Variants in NAV3 observed in about 807,000 individuals in gnomAD.
The protein encoded by NAV3 is neuron navigator 3, also known as pore membrane and/or filament interacting like protein 1.
NAV3 carries 87 observed loss-of-function variants against 244.7 expected under a neutral mutation model. The ratio of observed to expected loss-of-function variants is 0.36; its 90% CI spans 0.30 to 0.42. The LOEUF (loss-of-function observed/expected upper bound fraction) is 0.42. NAV3 is among the 20% of genes least tolerant of loss of function. NAV3 has a pLI of 1.00. For synonymous variants in NAV3, 1,126 were observed against 1,042.2 expected, an observed-to-expected ratio of 1.08 and a Z score of -1.55; for missense variants, 2,663 against 2,893.3, an observed-to-expected ratio of 0.92 and a Z score of 1.83.
chr12:77,994,398 C>T (rs1246028583), intron 5 of NAV3, among the ~76,000 whole-genome samples: 2 of 152,218 alleles, frequency 1.3e-5, no homozygotes, highest in Admixed American at 1.3e-4. Flanking sequence ...TCATCTCATA[C>T]TCTTCTTTTA....
intron 8 of NAV3, among the ~76,000 whole-genome samples, chr12:78,014,174 GA>G (rs1263990267): frequency 6.6e-6 from 1 of 151,978 alleles, no homozygotes; most frequent in Non-Finnish European, 1.5e-5. Context: ...TGTCTCTTTA[GA>G]AGCCTCCAAC....
intron 1 of NAV3, among the ~76,000 whole-genome samples, chr12:77,832,623 T>A (rs146646641): frequency 1.3e-5 from 2 of 152,312 alleles, no homozygotes; most frequent in Admixed American, 1.3e-4. Context: ...ATCATGTCTT[T>A]GTGTTGCAAA....
At chr12:78,023,505 A>C (rs1566028620) in intron 9 of NAV3, among the ~76,000 whole-genome samples, 2 of 152,228 alleles carry the variant, frequency 1.3e-5, no homozygotes, top group Non-Finnish European at 2.9e-5. Context: ...TTTTCAGTCT[A>C]GGATTTTGAT....
chr12:78,175,462 ATTAATGCATAATGTGTTAGGCCTTTTTCT>A, intron 25 of NAV3, 35 bp downstream of exon 25: 1 of 1,598,970 alleles, frequency 6.3e-7, no homozygotes, highest in Non-Finnish European at 8.5e-7. Context: ...TCAGAAGCTT[ATTAATGCATAATGTGTTAGGCCTTTTTCT>A]TTGGGGCTTT....
At chr12:77,738,401 A>G (rs1459890483) in intron 2 of NAV3, among the ~76,000 whole-genome samples, 2 of 152,238 alleles carry the variant, frequency 1.3e-5, no homozygotes, top group Non-Finnish European at 2.9e-5. Context: ...TAAAGCACAC[A>G]GAACAATAGC....
At chr12:77,830,748 C>A (rs546678266), upstream of NAV3, among the ~76,000 whole-genome samples, 3 of 152,360 alleles carry the variant, frequency 2.0e-5, no homozygotes, top group East Asian at 5.8e-4. Context: ...ATCAGACAAA[C>A]AACTTTATTG....
chr12:77,697,904 T>A (rs760895305), intron 2 of NAV3, among the ~76,000 whole-genome samples: 1 of 152,030 alleles, frequency 6.6e-6, no homozygotes, highest in Non-Finnish European at 1.5e-5. Flanking sequence ...GAGTAGGAAT[T>A]TATAAGTTAA....
chr12:77,926,936 T>C (rs1376810174), intron 1 of NAV3, among the ~76,000 whole-genome samples: 1 of 152,242 alleles, frequency 6.6e-6, no homozygotes, highest in African/African-American at 2.4e-5. Context: ...TTAAACGGAA[T>C]TTATTCTCTT....
chr12:77,806,645 G>T (rs113371561), intron 2 of NAV3, among the ~76,000 whole-genome samples: 2 of 152,312 alleles, frequency 1.3e-5, no homozygotes, highest in African/African-American at 4.8e-5. Context: ...GTATTCTGTT[G>T]ATTTGGGGTG....
intron 1 of NAV3, among the ~76,000 whole-genome samples, chr12:77,931,998 T>A (rs1359380652): frequency 6.6e-6 from 1 of 152,066 alleles, no homozygotes; most frequent in Non-Finnish European, 1.5e-5. Flanking sequence ...GGCCAGCTCA[T>A]TGATTCACTG....
intron 12 of NAV3, among the ~76,000 whole-genome samples, chr12:78,060,087 A>G (rs1884108824): frequency 6.6e-6 from 1 of 152,028 alleles, no homozygotes; most frequent in Admixed American, 6.6e-5. Context: ...ATGTTGTAAT[A>G]TACATTTCTG....
At chr12:78,051,675 T>C (rs1386408905) in intron 11 of NAV3, among the ~76,000 whole-genome samples, 1 of 152,226 alleles carries the variant, frequency 6.6e-6, no homozygotes, top group Non-Finnish European at 1.5e-5. Flanking sequence ...TCAGACCCTG[T>C]TTTTCTTCTG....
At chr12:77,902,748 C>G (rs563130747) in intron 1 of NAV3, among the ~76,000 whole-genome samples, 1 of 152,232 alleles carries the variant, frequency 6.6e-6, no homozygotes, top group East Asian at 1.9e-4. Flanking sequence ...AAAACCCCAT[C>G]GTCTCAGCCC....
At chr12:77,920,784 A>G (rs954278485) in intron 1 of NAV3, among the ~76,000 whole-genome samples, 2 of 152,056 alleles carry the variant, frequency 1.3e-5, no homozygotes, top group Non-Finnish European at 2.9e-5. Context: ...AAAAAAAATT[A>G]CTCTGCAGAT....
intron 22 of NAV3, among the ~76,000 whole-genome samples, chr12:78,154,305 AATATATAGTAT>A (rs1430437328): frequency 3.3e-5 from 4 of 119,604 alleles, no homozygotes; most frequent in African/African-American, 8.9e-5. Flanking sequence ...ATTACTATAT[AATATATAGTAT>A]ATATATAGTA....
At chr12:77,780,234 G>A (rs976288992) in intron 2 of NAV3, among the ~76,000 whole-genome samples, 6 of 152,116 alleles carry the variant, frequency 3.9e-5, no homozygotes, top group African/African-American at 1.2e-4. Context: ...ATCAAAGCCA[G>A]TAATCCCGAG....
In NAV3 at chr12:77,974,460, T is replaced by A. The variant is rs150877277; in HGVS notation, c.671+5758T>A. 4.4e-4 allele frequency among the ~76,000 whole-genome samples: 67 copies of A among 151,322 alleles called. 1 individual carries two copies. The Middle Eastern group carries it at 0.01, about 23-fold the overall frequency. ...CCACGGCCAGCTGTTTATTATTATT[T>A]TTTTTTTTTGTAATTTTTGTGGAGA... On this transcript the variant is annotated intron_variant, in intron 5 of 39. Transcript: ENST00000397909.
chr12:77,824,316 C>T lies in NAV3; in HGVS notation c.73-116003C>T, dbSNP rs560710663. 3.7e-5 allele frequency among the ~76,000 whole-genome samples: 5 copies of T among 136,334 alleles called. No individual in the cohort carries two copies. The Admixed American group carries it at 4.1e-4, about 11-fold the overall frequency. 89.4% of individuals were successfully genotyped at this position (136,334 alleles called of 152,430 possible). On this transcript the variant is annotated intron_variant, in intron 2 of 8. Transcript: ENST00000550042. ...CCATGTTGCCCAGGCTGGTCTCAAACTCCTGAGCTCAGGCAATCCATCCGC... is the reference window on the plus strand; with the variant it reads ...CCATGTTGCCCAGGCTGGTCTCAAATTCCTGAGCTCAGGCAATCCATCCGC...
chr12:77,849,714 A>G (rs1877209211), intron 1 of NAV3, among the ~76,000 whole-genome samples: 1 of 152,194 alleles, frequency 6.6e-6, no homozygotes, highest in African/African-American at 2.4e-5. Flanking sequence ...TCTGGTCCCA[A>G]GAATTTTAGA....
Sources: allele counts gnomAD v4.1 joint callset (sites outside exome capture counted in the v4.1 genomes callset), GRCh38; gene constraint gnomAD v4.1.1; transcripts MANE v1.5; gene names NCBI Gene and HGNC (gene_info 2026-07-23, HGNC 2026-07-21).